Variants in ITGBL1 observed in about 807,000 individuals in gnomAD.
The protein encoded by ITGBL1 is integrin beta-like protein 1.
In ITGBL1, 51 loss-of-function variants were observed where a neutral mutation model predicts 68.5. The observed-to-expected ratio is 0.74, with a 90% CI of 0.59 to 0.94. ITGBL1 has a LOEUF of 0.94. Among genes scored for constraint, ITGBL1 ranks in the 40% least tolerant of loss-of-function variants. The probability of loss-of-function intolerance (pLI) is 0.00; values close to 1 mark genes in which losing one functional copy is unlikely to be tolerated. For missense variants in ITGBL1, 649 were observed against 647.4 expected, an observed-to-expected ratio of 1.00 and a Z score of -0.03; for synonymous variants, 209 against 227.3, an observed-to-expected ratio of 0.92 and a Z score of 0.72.
chr13:101,582,872 C>G (rs1244571647), intron 5 of ITGBL1, among the ~76,000 whole-genome samples: 1 of 151,994 alleles, frequency 6.6e-6, no homozygotes, highest in Non-Finnish European at 1.5e-5. Flanking sequence ...GTTAATTTTT[C>G]TTTCTAATTA....
At chr13:101,686,606 ATACTT>A (rs1411739367) in intron 7 of ITGBL1, among the ~76,000 whole-genome samples, 1 of 152,158 alleles carries the variant, frequency 6.6e-6, no homozygotes, top group Non-Finnish European at 1.5e-5. Context: ...GTTTTAATGA[ATACTT>A]TAAAGATTTT....
intron 7 of ITGBL1, among the ~76,000 whole-genome samples, chr13:101,667,319 G>A (rs1390882034): frequency 6.6e-6 from 1 of 152,008 alleles, no homozygotes; most frequent in East Asian, 1.9e-4. Context: ...CTGCCTATTT[G>A]AATATACTGA....
At chr13:101,480,523 A>G (rs1208939730) in intron 2 of ITGBL1, among the ~76,000 whole-genome samples, 1 of 152,044 alleles carries the variant, frequency 6.6e-6, no homozygotes, top group African/African-American at 2.4e-5. Flanking sequence ...AAAGAATACA[A>G]TTGGAATGTT....
At chr13:101,644,609 G>T (rs181856617) in intron 7 of ITGBL1, among the ~76,000 whole-genome samples, 1 of 152,274 alleles carries the variant, frequency 6.6e-6, no homozygotes, top group Non-Finnish European at 1.5e-5. Context: ...TTCCTCTTTA[G>T]GGATTCAGCA....
At chr13:101,627,927 A>G (rs956698877) in intron 7 of ITGBL1, among the ~76,000 whole-genome samples, 1 of 152,184 alleles carries the variant, frequency 6.6e-6, no homozygotes, top group East Asian at 1.9e-4. Context: ...GCAGGTTTTC[A>G]TGTGGACATT....
chr13:101,469,690 T>C (rs2048431151), intron 2 of ITGBL1, among the ~76,000 whole-genome samples: 1 of 152,154 alleles, frequency 6.6e-6, no homozygotes, highest in African/African-American at 2.4e-5. Context: ...TCTTTCCATC[T>C]ATAAAAAAAC....
chr13:101,637,112 A>G (rs2032195625), intron 7 of ITGBL1, among the ~76,000 whole-genome samples: 1 of 152,166 alleles, frequency 6.6e-6, no homozygotes, highest in South Asian at 2.1e-4. Context: ...GGGAAGATAC[A>G]TCAAAGTTAT....
intron 6 of ITGBL1, among the ~76,000 whole-genome samples, chr13:101,595,199 G>C (rs1003314682): frequency 1.3e-5 from 2 of 152,186 alleles, no homozygotes; most frequent in African/African-American, 4.8e-5. Context: ...GGAAGCTTCT[G>C]ATCATGGCTG....
Position 101,454,001 on chromosome 13 carries a change from G to T in ITGBL1, c.217G>T (p.Val73Phe), listed in dbSNP as rs1363017027. Residue 73 changes from valine (V) to phenylalanine (F), a missense_variant, in exon 2 of 11, where the codon GTC becomes TTC. Coordinates refer to ENST00000376180, the MANE Select transcript of ITGBL1 (RefSeq NM_004791.3). The stretch of plus-strand genomic sequence containing the variant: ...CGGCCGGGGCCGCTGCGACTGCGGC[G>T]TCTGCATCTGCCACGTGACTGAGCC... ...CHGRGRCDCG[V>F]CICHVTEPGM... 3 of 1,567,324 alleles carry T rather than the reference G, an allele frequency of 1.9e-6. No homozygotes were observed. The highest frequency in any genetic ancestry group is 2.6e-6 in the Non-Finnish European group (3 of 1,156,904).
chr13:101,574,000 C>A (rs1262506558), intron 3 of ITGBL1, among the ~76,000 whole-genome samples: 2 of 152,122 alleles, frequency 1.3e-5, no homozygotes, highest in African/African-American at 4.8e-5. Flanking sequence ...ATATAACAGC[C>A]TTTTAACTCA....
chr13:101,459,459 TAGCTG>T (rs1351763688), intron 2 of ITGBL1, among the ~76,000 whole-genome samples: 6 of 152,196 alleles, frequency 3.9e-5, no homozygotes, highest in Non-Finnish European at 1.5e-5. Context: ...ACGCCATCCT[TAGCTG>T]GGTGTGGTGG....
intron 8 of ITGBL1, among the ~76,000 whole-genome samples, chr13:101,697,488 T>G (rs1290011439): frequency 6.6e-6 from 1 of 152,232 alleles, no homozygotes; most frequent in Non-Finnish European, 1.5e-5. Context: ...CATTTTTTCA[T>G]GTAAGATTTA....
intron 7 of ITGBL1, among the ~76,000 whole-genome samples, chr13:101,600,338 C>A (rs879313800): frequency 5.9e-5 from 9 of 152,142 alleles, no homozygotes; most frequent in Non-Finnish European, 1.0e-4. Context: ...AGATTTTGGG[C>A]TGAGACAATG....
intron 2 of ITGBL1, among the ~76,000 whole-genome samples, chr13:101,566,232 A>G (rs770636775): frequency 2.0e-5 from 3 of 152,158 alleles, no homozygotes; most frequent in Non-Finnish European, 2.9e-5. Flanking sequence ...TAATGTTATT[A>G]AAGAGTCAAC....
intron 2 of ITGBL1, among the ~76,000 whole-genome samples, chr13:101,565,332 A>G (rs557600306): frequency 6.6e-6 from 1 of 152,234 alleles, no homozygotes; most frequent in Admixed American, 6.6e-5. Context: ...TATTTTGTAA[A>G]TATATATTTA....
intron 2 of ITGBL1, among the ~76,000 whole-genome samples, chr13:101,519,386 T>C (rs1028851591): frequency 2.0e-5 from 3 of 152,226 alleles, no homozygotes; most frequent in East Asian, 3.9e-4. Context: ...TTTTAAAATC[T>C]TAATTAGGTT....
chr13:101,720,526 T>TGC (rs1296198015), downstream of ITGBL1: 1 of 122,612 alleles, frequency 8.2e-6, no homozygotes, highest in Non-Finnish European at 1.6e-5. Context: ...TGGGGGTGTT[T>TGC]GCTCTGTGTG....
intron 7 of ITGBL1, among the ~76,000 whole-genome samples, chr13:101,681,281 G>A (rs9518489): frequency 0.21 from 31,164 of 151,962 alleles, 3,520 homozygotes; most frequent in Admixed American, 0.26. Context: ...ATGTGTGTGC[G>A]TGTGCCTGTG....
intron 2 of ITGBL1, among the ~76,000 whole-genome samples, chr13:101,484,652 G>C (rs577301037): frequency 3.1e-4 from 47 of 152,144 alleles, no homozygotes; most frequent in African/African-American, 1.1e-3. Flanking sequence ...ATGTTGTATA[G>C]CGGGGGAAGT....
Sources: gnomAD v4.1 joint callset for allele counts (sites outside exome capture counted in the v4.1 genomes callset) on GRCh38, gnomAD v4.1.1 for gene constraint, MANE v1.5 for transcripts, NCBI Gene and HGNC (gene_info 2026-07-23, HGNC 2026-07-21) for gene names.